Variants in FAM168A observed in about 807,000 individuals in gnomAD.
FAM168A encodes protein FAM168A.
In FAM168A, 3 loss-of-function variants were observed where a neutral mutation model predicts 28.5. The observed-to-expected ratio is 0.11, with a 90% CI of 0.05 to 0.27. The LOEUF (loss-of-function observed/expected upper bound fraction) is 0.27, where lower values mean the gene tolerates loss of function less well. Among genes scored for constraint, FAM168A ranks in the 10% least tolerant of loss-of-function variants. The pLI is 1.00. For synonymous variants in FAM168A, 122 were observed against 124.2 expected, an observed-to-expected ratio of 0.98 and a Z score of 0.12; for missense variants, 222 against 311.5, an observed-to-expected ratio of 0.71 and a Z score of 2.16.
chr11:73,421,409 C>G (rs1866791163), intron 3 of FAM168A, among the ~76,000 whole-genome samples: 1 of 152,122 alleles, frequency 6.6e-6, no homozygotes, highest in Non-Finnish European at 1.5e-5. Flanking sequence ...TAATGGCCAG[C>G]AATATATACA....
chr11:73,445,419 C>CTCTCTCTTTTTTT (rs776745757), intron 2 of FAM168A, among the ~76,000 whole-genome samples: 3 of 50,432 alleles, frequency 5.9e-5, no homozygotes, highest in African/African-American at 2.1e-4. Flanking sequence ...AAAAATGTCT[C>CTCTCTCTTTTTTT]TTTTTTTTTT....
intron 1 of FAM168A, among the ~76,000 whole-genome samples, chr11:73,477,412 A>G (rs1867903435): frequency 1.3e-5 from 2 of 152,172 alleles, no homozygotes; most frequent in Non-Finnish European, 2.9e-5. Flanking sequence ...ATTGAAAAAA[A>G]AAGAAGATAT....
At chr11:73,543,550 C>T (rs1590844071) in intron 1 of FAM168A, among the ~76,000 whole-genome samples, 2 of 152,060 alleles carry the variant, frequency 1.3e-5, no homozygotes, top group African/African-American at 2.4e-5. Flanking sequence ...CATGAGCTAC[C>T]GCGCTCGGCC....
intron 1 of FAM168A, among the ~76,000 whole-genome samples, chr11:73,539,497 C>T (rs1013968026): frequency 5.3e-5 from 8 of 152,104 alleles, no homozygotes; most frequent in Admixed American, 5.2e-4. Context: ...TCTCGATCTT[C>T]TGACCTCATG....
At chr11:73,526,162 G>A (rs568336783) in intron 1 of FAM168A, among the ~76,000 whole-genome samples, 1 of 152,228 alleles carries the variant, frequency 6.6e-6, no homozygotes, top group South Asian at 2.1e-4. Context: ...CTCCACAAAA[G>A]TGATGAGAGA....
At chr11:73,592,871 C>G (rs61901444) in intron 1 of FAM168A, among the ~76,000 whole-genome samples, 1 of 64,314 alleles carries the variant, frequency 1.6e-5, no homozygotes, top group Non-Finnish European at 4.1e-5. Context: ...CCTGTCTCTA[C>G]CAAAAAAAAA....
intron 1 of FAM168A, among the ~76,000 whole-genome samples, chr11:73,536,134 T>C (rs568154283): frequency 6.6e-6 from 1 of 152,272 alleles, no homozygotes; most frequent in African/African-American, 2.4e-5. Flanking sequence ...GTGTGAGCCA[T>C]CACACTCGGC....
intron 1 of FAM168A, among the ~76,000 whole-genome samples, chr11:73,489,489 TC>T: frequency 6.7e-6 from 1 of 148,522 alleles, no homozygotes; most frequent in Middle Eastern, 3.6e-3. Context: ...GATCATTCTC[TC>T]CCCCACACCC....
intron 1 of FAM168A, among the ~76,000 whole-genome samples, chr11:73,542,894 G>A (rs879727060): frequency 2.6e-5 from 4 of 152,036 alleles, no homozygotes; most frequent in African/African-American, 4.8e-5. Flanking sequence ...GCTGAACAAC[G>A]GGAAAATTCT....
At position 73,443,949 on chromosome 11, in the gene FAM168A, G is replaced by A. The variant is rs574735778; in HGVS notation, c.71-13179C>T. Reference sequence around the variant, plus strand: ...TCAGAGCAAGCCCTAAACTTACTTCGTAGAGACCCATCTAAACATTCTTAC... The same window carrying A: ...TCAGAGCAAGCCCTAAACTTACTTCATAGAGACCCATCTAAACATTCTTAC... On this transcript the variant is annotated intron_variant, in intron 2 of 7. Transcript: ENST00000356467. 6.8e-4 allele frequency among the ~76,000 whole-genome samples: 103 copies of A among 152,262 alleles called. 3 individuals carry two copies. In the South Asian group the frequency reaches 0.02, roughly 30 times the overall value.
chr11:73,507,869 C>A (rs1855144935), intron 1 of FAM168A, among the ~76,000 whole-genome samples: 1 of 152,126 alleles, frequency 6.6e-6, no homozygotes, highest in South Asian at 2.1e-4. Context: ...GCAGGGCTAA[C>A]TGCAGGACTT....
intron 1 of FAM168A, among the ~76,000 whole-genome samples, chr11:73,473,950 C>G (rs11600327): frequency 6.6e-6 from 1 of 151,998 alleles, no homozygotes; most frequent in East Asian, 1.9e-4. Context: ...GCTGGGATTA[C>G]TGGCACCCAC....
At chr11:73,449,096 C>A (rs1228113646) in intron 2 of FAM168A, among the ~76,000 whole-genome samples, 7 of 152,056 alleles carry the variant, frequency 4.6e-5, no homozygotes, top group Non-Finnish European at 8.8e-5. Flanking sequence ...CTGCCTTAGC[C>A]TCCTGAGTAG....
intron 1 of FAM168A, among the ~76,000 whole-genome samples, chr11:73,574,620 T>C (rs1221831930): frequency 6.6e-6 from 1 of 151,946 alleles, no homozygotes; most frequent in Non-Finnish European, 1.5e-5. Context: ...TGGAGTGCGA[T>C]GACATGATCT....
At chr11:73,549,404 T>A (rs893556986) in intron 1 of FAM168A, among the ~76,000 whole-genome samples, 5 of 152,152 alleles carry the variant, frequency 3.3e-5, no homozygotes, top group Admixed American at 6.5e-5. Flanking sequence ...AGTAAAAAAA[T>A]TTAAAATTCA....
intron 1 of FAM168A, among the ~76,000 whole-genome samples, chr11:73,573,991 G>A (rs1000535685): frequency 1.1e-4 from 16 of 151,640 alleles, no homozygotes; most frequent in Non-Finnish European, 2.2e-4. Context: ...AGGGCATGGC[G>A]TTGCACACCT....
At chr11:73,443,355 T>A (rs968396383) in intron 2 of FAM168A, among the ~76,000 whole-genome samples, 2 of 152,112 alleles carry the variant, frequency 1.3e-5, no homozygotes, top group African/African-American at 4.8e-5. Flanking sequence ...AAGACATAAT[T>A]CTTGCCCTCC....
intron 1 of FAM168A, among the ~76,000 whole-genome samples, chr11:73,592,119 G>A (rs1490783821): frequency 6.6e-6 from 1 of 152,216 alleles, no homozygotes; most frequent in Admixed American, 6.5e-5. Flanking sequence ...GCCAAGGATT[G>A]AAGTTTACTG....
intron 1 of FAM168A, among the ~76,000 whole-genome samples, chr11:73,484,488 A>C (rs1868010860): frequency 6.7e-6 from 1 of 149,396 alleles, no homozygotes; most frequent in African/African-American, 2.5e-5. Flanking sequence ...CTAGAGGGGC[A>C]GAACTAAGAG....
Sources: allele counts gnomAD v4.1 joint callset (sites outside exome capture counted in the v4.1 genomes callset), GRCh38; gene constraint gnomAD v4.1.1; transcripts MANE v1.5; gene names NCBI Gene and HGNC (gene_info 2026-07-23, HGNC 2026-07-21).